Variants in DPP10 observed in about 807,000 individuals in gnomAD.
The protein encoded by DPP10 is dipeptidyl peptidase like 10, also known as inactive dipeptidyl peptidase 10.
In DPP10, 33 loss-of-function variants were observed where a neutral mutation model predicts 120.9. The observed-to-expected ratio is 0.27, with a 90% CI of 0.21 to 0.37. DPP10 has a LOEUF of 0.37. Among genes scored for constraint, DPP10 ranks in the 10% least tolerant of loss-of-function variants. DPP10 has a pLI of 1.00. For synonymous variants in DPP10, 337 were observed against 326.1 expected, an observed-to-expected ratio of 1.03 and a Z score of -0.36; for missense variants, 816 against 942.8, an observed-to-expected ratio of 0.87 and a Z score of 1.76.
chr2:114,627,795 G>A (rs1402144127), intron 1 of DPP10, among the ~76,000 whole-genome samples: 2 of 152,178 alleles, frequency 1.3e-5, no homozygotes, highest in Admixed American at 6.6e-5. Flanking sequence ...TGAGAATCCA[G>A]TATTTGTGCA....
intron 17 of DPP10, among the ~76,000 whole-genome samples, chr2:115,784,828 A>G (rs1237029857): frequency 1.3e-5 from 2 of 152,186 alleles, no homozygotes; most frequent in Non-Finnish European, 2.9e-5. Context: ...CACCATGCCT[A>G]GCAGAAACTT....
At chr2:115,384,580 G>GA (rs2066740988) in intron 3 of DPP10, among the ~76,000 whole-genome samples, 1 of 145,818 alleles carries the variant, frequency 6.9e-6, no homozygotes, top group Non-Finnish European at 1.5e-5. Context: ...AGAAGAGGAA[G>GA]AGGAGGAAAA....
At chr2:115,009,759 A>G (rs1336225437) in intron 1 of DPP10, among the ~76,000 whole-genome samples, 1 of 152,182 alleles carries the variant, frequency 6.6e-6, no homozygotes, top group Non-Finnish European at 1.5e-5. Context: ...CATGTATCCT[A>G]CAAGTTAAAG....
chr2:115,390,557 T>C (rs1220645854), intron 3 of DPP10, among the ~76,000 whole-genome samples: 1 of 152,126 alleles, frequency 6.6e-6, no homozygotes, highest in Non-Finnish European at 1.5e-5. Context: ...ATTTCTTAAA[T>C]GATTTTTATT....
intron 4 of DPP10, among the ~76,000 whole-genome samples, chr2:115,521,617 T>TTG (rs2148880823): frequency 6.6e-6 from 1 of 151,930 alleles, no homozygotes; most frequent in South Asian, 2.1e-4. Context: ...TTTTTTTTTT[T>TTG]TGTATTTTAT....
chr2:115,594,012 C>T (rs938637937), intron 5 of DPP10, among the ~76,000 whole-genome samples: 2 of 152,118 alleles, frequency 1.3e-5, no homozygotes, highest in Admixed American at 1.3e-4. Context: ...CCTCAAAAAA[C>T]TTGAGATTCT....
intron 5 of DPP10, among the ~76,000 whole-genome samples, chr2:115,565,415 T>C (rs2080938522): frequency 6.6e-6 from 1 of 152,198 alleles, no homozygotes; most frequent in South Asian, 2.1e-4. Flanking sequence ...TATTGTTTAT[T>C]TATCAATGGC....
chr2:115,353,388 A>G (rs1432477478), intron 3 of DPP10, among the ~76,000 whole-genome samples: 2 of 152,146 alleles, frequency 1.3e-5, no homozygotes, highest in African/African-American at 2.4e-5. Flanking sequence ...AAAGTTGAGT[A>G]ACTCAGTATT....
At chr2:115,522,261 C>T (rs183673825) in intron 4 of DPP10, among the ~76,000 whole-genome samples, 55 of 152,128 alleles carry the variant, frequency 3.6e-4, no homozygotes, top group Admixed American at 5.9e-4. Flanking sequence ...TCAGTCTTAC[C>T]CTGCTTACCC....
intron 1 of DPP10, among the ~76,000 whole-genome samples, chr2:114,829,495 C>G (rs994039747): frequency 6.6e-6 from 1 of 150,582 alleles, no homozygotes; most frequent in Non-Finnish European, 1.5e-5. Flanking sequence ...GCAATTCTCC[C>G]GCCTAAGCCT....
intron 1 of DPP10, among the ~76,000 whole-genome samples, chr2:114,597,453 CAG>C (rs1392856251): frequency 6.6e-6 from 1 of 151,968 alleles, no homozygotes; most frequent in African/African-American, 2.4e-5. Context: ...TCAAGAAAAA[CAG>C]TGTTTTTTAT....
chr2:114,485,228 T>C (rs991170995), intron 1 of DPP10, among the ~76,000 whole-genome samples: 3 of 152,174 alleles, frequency 2.0e-5, no homozygotes, highest in Non-Finnish European at 1.5e-5. Flanking sequence ...TATAGTTCTT[T>C]CTTACTCACA....
chr2:115,754,543 C>T (rs1166815267), intron 11 of DPP10, among the ~76,000 whole-genome samples: 1 of 152,132 alleles, frequency 6.6e-6, no homozygotes, highest in Non-Finnish European at 1.5e-5. Context: ...TAGACACCTT[C>T]TAATCACCTT....
intron 5 of DPP10, among the ~76,000 whole-genome samples, chr2:115,527,525 A>G (rs545075529): frequency 2.0e-5 from 3 of 152,238 alleles, no homozygotes; most frequent in African/African-American, 7.2e-5. Context: ...AGGATAAACT[A>G]TTGTTCCATG....
chr2:115,591,775 TC>T (rs1446179122), intron 5 of DPP10, among the ~76,000 whole-genome samples: 8 of 152,226 alleles, frequency 5.3e-5, no homozygotes, highest in African/African-American at 1.7e-4. Flanking sequence ...TATTAATTCT[TC>T]CTATCCATGA....
intron 1 of DPP10, among the ~76,000 whole-genome samples, chr2:115,269,521 G>A (rs955197613): frequency 6.6e-6 from 1 of 152,126 alleles, no homozygotes; most frequent in African/African-American, 2.4e-5. Flanking sequence ...ACTAGTGGAG[G>A]ATCTGCTTCC....
intron 1 of DPP10, among the ~76,000 whole-genome samples, chr2:114,604,062 G>A (rs1350885458): frequency 6.6e-6 from 1 of 152,082 alleles, no homozygotes; most frequent in Non-Finnish European, 1.5e-5. Flanking sequence ...TCTTCAGCAA[G>A]GAGTTGTGAC....
At chr2:114,883,332 G>A (rs550139730) in intron 1 of DPP10, among the ~76,000 whole-genome samples, 5 of 152,212 alleles carry the variant, frequency 3.3e-5, no homozygotes, top group South Asian at 2.1e-4. Context: ...GAGAACACTC[G>A]GGACTCAACA....
At chr2:115,789,097 A>G (rs1364281882) in intron 17 of DPP10, among the ~76,000 whole-genome samples, 3 of 152,074 alleles carry the variant, frequency 2.0e-5, no homozygotes, top group African/African-American at 7.2e-5. Flanking sequence ...GAGCCTGGGC[A>G]AAAGAATGAG....
Sources: gnomAD v4.1 joint callset for allele counts (sites outside exome capture counted in the v4.1 genomes callset) on GRCh38, gnomAD v4.1.1 for gene constraint, MANE v1.5 for transcripts, NCBI Gene and HGNC (gene_info 2026-07-23, HGNC 2026-07-21) for gene names.